Variants in ADAM32 observed in about 807,000 individuals in gnomAD.
ADAM32 encodes the protein ADAM metallopeptidase domain 32, also known as disintegrin and metalloproteinase domain-containing protein 32.
Under a neutral mutation model 114.9 loss-of-function variants are expected in ADAM32, and 89 were observed. That is an observed-to-expected ratio of 0.77 (90% confidence interval 0.65 to 0.92). ADAM32 has a LOEUF of 0.92. Ranked by LOEUF, ADAM32 falls within the 40% of genes least tolerant of loss-of-function variation. The pLI is 0.00. For missense variants in ADAM32, 870 were observed against 932.8 expected, an observed-to-expected ratio of 0.93 and a Z score of 0.88; for synonymous variants, 285 against 307.5, an observed-to-expected ratio of 0.93 and a Z score of 0.77.
chr8:39,124,442 G>A (rs1801990682), intron 2 of ADAM32, among the ~76,000 whole-genome samples: 1 of 149,716 alleles, frequency 6.7e-6, no homozygotes, highest in African/African-American at 2.5e-5. Flanking sequence ...TTTTGAGACG[G>A]AGTCTTGCTC....
intron 6 of ADAM32, among the ~76,000 whole-genome samples, chr8:39,153,591 AG>A (rs1554601725): frequency 6.6e-6 from 1 of 152,066 alleles, no homozygotes; most frequent in Non-Finnish European, 1.5e-5. Context: ...GGAAAGGGTG[AG>A]TTTGGTTTCT....
intron 23 of ADAM32, among the ~76,000 whole-genome samples, chr8:39,281,490 C>T (rs923145620): frequency 6.6e-6 from 1 of 152,060 alleles, no homozygotes; most frequent in Non-Finnish European, 1.5e-5. Context: ...ATTTTGCATC[C>T]TTTATTCTGG....
rs185604481 is a variant in ADAM32 at position 39,267,548 on chromosome 8, C to T, written c.2163-3328C>T. On this transcript the variant is annotated intron_variant, in intron 19 of 24. Coordinates refer to ENST00000379907, the MANE Select transcript of ADAM32 (RefSeq NM_145004.7). ...TGTTATAAATGAAGCTGTTGTGAAC[C>T]GCTGGAAACAAATGCTCAGTGCCGC... Among the ~76,000 whole-genome samples the T allele has an allele frequency of 1.9e-3, 293 of 152,060 alleles. 5 individuals carry two copies. Among genetic ancestry groups the T allele is most frequent in the Non-Finnish European group, 6.2e-4 (42 of 68,006 alleles).
intron 1 of ADAM32, among the ~76,000 whole-genome samples, chr8:39,108,961 G>A (rs1363129618): frequency 6.6e-6 from 1 of 152,150 alleles, no homozygotes; most frequent in African/African-American, 2.4e-5. Context: ...CTCATCATGA[G>A]GGTCCCACTC....
In ADAM32 at chr8:39,135,027, T is replaced by A. The variant is rs1392013586; in HGVS notation, c.139-1630T>A. ...AAGATTAGCCAGGCGTGGTGGCGCA[T>A]GTCTGTAATTCCAGCTCCTCGGGAG... is the stretch of plus-strand genomic sequence containing the variant. On this transcript the variant is annotated intron_variant, in intron 2 of 24. Transcript: ENST00000379907. Among the ~76,000 whole-genome samples the A allele has an allele frequency of 7.9e-5, 12 of 152,220 alleles. No individual in the cohort carries two copies. In the East Asian group the frequency reaches 2.3e-3, roughly 29 times the overall value.
At chr8:39,113,938 C>T (rs922264521) in intron 1 of ADAM32, among the ~76,000 whole-genome samples, 1 of 152,136 alleles carries the variant, frequency 6.6e-6, no homozygotes, top group Non-Finnish European at 1.5e-5. Flanking sequence ...TCAATAACTG[C>T]ATATTAGGTA....
At chr8:39,196,083 T>G (rs887402907) in intron 11 of ADAM32, among the ~76,000 whole-genome samples, 1 of 152,174 alleles carries the variant, frequency 6.6e-6, no homozygotes, top group East Asian at 1.9e-4. Flanking sequence ...TTTCTAGGTA[T>G]TTTATATTTT....
intron 7 of ADAM32, among the ~76,000 whole-genome samples, chr8:39,162,573 G>A (rs1260191857): frequency 6.6e-6 from 1 of 152,080 alleles, no homozygotes; most frequent in Non-Finnish European, 1.5e-5. Flanking sequence ...CTTTTACACT[G>A]TTGTGGGACT....
intron 23 of ADAM32, 28 bp downstream of exon 23, chr8:39,281,202 A>T: frequency 7.8e-7 from 1 of 1,280,682 alleles, no homozygotes; most frequent in Non-Finnish European, 1.0e-6. Context: ...TGTTACTTAT[A>T]AATAAGTATG....
chr8:39,259,451 T>TC (rs1179529709), intron 19 of ADAM32, among the ~76,000 whole-genome samples: 1 of 152,054 alleles, frequency 6.6e-6, no homozygotes, highest in East Asian at 1.9e-4. Context: ...TCTTTTTTTT[T>TC]CTTTAACTCT....
intron 13 of ADAM32, among the ~76,000 whole-genome samples, chr8:39,222,604 T>C (rs1199404285): frequency 1.3e-5 from 2 of 152,104 alleles, no homozygotes; most frequent in African/African-American, 4.8e-5. Flanking sequence ...AACACTTCTG[T>C]TTCCCTCTGC....
chr8:39,147,914 C>T (rs756208163), intron 4 of ADAM32, among the ~76,000 whole-genome samples: 1 of 152,080 alleles, frequency 6.6e-6, no homozygotes, highest in Non-Finnish European at 1.5e-5. Context: ...TTTGGGATTA[C>T]AGGCATGCAC....
At chr8:39,159,904 A>G (rs1351305720) in intron 6 of ADAM32, among the ~76,000 whole-genome samples, 1 of 152,210 alleles carries the variant, frequency 6.6e-6, no homozygotes, top group Admixed American at 6.5e-5. Flanking sequence ...ATGGGATGGT[A>G]GGTGGGTCAG....
intron 22 of ADAM32, among the ~76,000 whole-genome samples, chr8:39,278,069 C>A (rs1479893886): frequency 1.3e-5 from 2 of 152,152 alleles, no homozygotes; most frequent in Non-Finnish European, 2.9e-5. Flanking sequence ...ATGAAAGTGG[C>A]TTTCAGCGGG....
chr8:39,272,102 A>G (rs1363628832), intron 20 of ADAM32, among the ~76,000 whole-genome samples: 1 of 298 alleles, frequency 3.4e-3, no homozygotes, highest in Non-Finnish European at 0.016. Flanking sequence ...TGAGCTCCAG[A>G]AAAAAAAAAA....
At chr8:39,210,837 G>T (rs956180604) in intron 11 of ADAM32, among the ~76,000 whole-genome samples, 1 of 152,146 alleles carries the variant, frequency 6.6e-6, no homozygotes, top group Admixed American at 6.5e-5. Context: ...AGTGATGTCT[G>T]TCCAAATCTG....
intron 21 of ADAM32, among the ~76,000 whole-genome samples, chr8:39,275,606 T>G (rs952884788): frequency 2.0e-5 from 3 of 152,264 alleles, no homozygotes; most frequent in Non-Finnish European, 4.4e-5. Context: ...CTCTGCTTAG[T>G]TGAATATTTG....
intron 13 of ADAM32, 150 bp from the exon 14 acceptor site, chr8:39,222,890 A>G (rs374435507): frequency 2.5e-5 from 14 of 552,836 alleles, no homozygotes; most frequent in Middle Eastern, 4.7e-4. Context: ...ATATTTTTAT[A>G]TTATTAGCAT....
intron 19 of ADAM32, among the ~76,000 whole-genome samples, chr8:39,269,716 A>G (rs1812588125): frequency 1.3e-5 from 2 of 151,704 alleles, no homozygotes; most frequent in South Asian, 4.2e-4. Context: ...GTAATGGTAG[A>G]CTCTTTTATC....
Sources: gnomAD v4.1 joint callset for allele counts (sites outside exome capture counted in the v4.1 genomes callset) on GRCh38, gnomAD v4.1.1 for gene constraint, MANE v1.5 for transcripts, NCBI Gene and HGNC (gene_info 2026-07-23, HGNC 2026-07-21) for gene names.